KCNIP4: variants seen among roughly 807,000 people sequenced by gnomAD.
KCNIP4 encodes the protein potassium voltage-gated channel interacting protein 4, also known as Kv channel-interacting protein 4.
In KCNIP4, 12 loss-of-function variants were observed where a neutral mutation model predicts 34.0. The ratio of observed to expected loss-of-function variants is 0.35; its 90% CI spans 0.23 to 0.57. KCNIP4 has a LOEUF of 0.57. KCNIP4 is among the 20% of genes least tolerant of loss of function. KCNIP4 has a pLI of 0.83. For synonymous variants in KCNIP4, 124 were observed against 102.2 expected (o/e 1.21, Z -1.29); for missense variants, 238 against 311.7 (o/e 0.76, Z 1.78).
intron 1 of KCNIP4, among the ~76,000 whole-genome samples, chr4:21,384,182 A>T (rs1439369728): frequency 6.6e-6 from 1 of 150,978 alleles, no homozygotes; most frequent in Non-Finnish European, 1.5e-5. Context: ...CCTTCCCTCC[A>T]CTCCTCTATG....
At chr4:20,967,716 T>C (rs1029905247) in intron 1 of KCNIP4, among the ~76,000 whole-genome samples, 73 of 152,210 alleles carry the variant, frequency 4.8e-4, no homozygotes, top group Non-Finnish European at 8.4e-4. Context: ...CTGGTAAAAC[T>C]GGCTAGCCAT....
At chr4:21,899,611 C>A (rs562262622) in intron 1 of KCNIP4, among the ~76,000 whole-genome samples, 1 of 151,894 alleles carries the variant, frequency 6.6e-6, no homozygotes, top group Admixed American at 6.6e-5. Flanking sequence ...CAAAATTAAC[C>A]AGAAAAATCA....
intron 1 of KCNIP4, among the ~76,000 whole-genome samples, chr4:21,133,140 T>G (rs549075270): frequency 6.6e-6 from 1 of 152,360 alleles, no homozygotes; most frequent in African/African-American, 2.4e-5. Context: ...TCTTGAGTGA[T>G]GCTGAAAGTA....
chr4:21,210,634 G>T (rs76972668), intron 1 of KCNIP4, among the ~76,000 whole-genome samples: 1 of 151,946 alleles, frequency 6.6e-6, no homozygotes, highest in African/African-American at 2.4e-5. Context: ...CCAATATTGC[G>T]TCTTATGTGC....
chr4:21,181,086 G>T (rs538047492), intron 1 of KCNIP4, among the ~76,000 whole-genome samples: 1 of 152,116 alleles, frequency 6.6e-6, no homozygotes, highest in Non-Finnish European at 1.5e-5. Flanking sequence ...GGCAATCACA[G>T]TAAAACCTGC....
intron 1 of KCNIP4, among the ~76,000 whole-genome samples, chr4:20,973,375 A>T (rs115599544): frequency 6.6e-6 from 1 of 152,124 alleles, no homozygotes; most frequent in African/African-American, 2.4e-5. Flanking sequence ...TACCTCTCTC[A>T]GCCTTCACAG....
At chr4:21,703,471 C>A (rs977001804) in intron 1 of KCNIP4, among the ~76,000 whole-genome samples, 3 of 151,972 alleles carry the variant, frequency 2.0e-5, no homozygotes, top group African/African-American at 7.2e-5. Flanking sequence ...GGACAAAAAA[C>A]CAAACACCAC....
chr4:21,454,890 G>T (rs1411038908), intron 1 of KCNIP4, among the ~76,000 whole-genome samples: 4 of 152,030 alleles, frequency 2.6e-5, no homozygotes, highest in Non-Finnish European at 5.9e-5. Context: ...AGGAATCCAA[G>T]AAATATTTGG....
chr4:21,105,096 A>G (rs1748384036), intron 1 of KCNIP4, among the ~76,000 whole-genome samples: 1 of 151,666 alleles, frequency 6.6e-6, no homozygotes, highest in African/African-American at 2.4e-5. Context: ...TTGGTTCCAT[A>G]TGAACCTTAA....
chr4:21,618,638 T>C (rs1049930311), intron 1 of KCNIP4, among the ~76,000 whole-genome samples: 20 of 139,790 alleles, frequency 1.4e-4, no homozygotes, highest in Non-Finnish European at 2.9e-4. Flanking sequence ...TTCTTTTTTT[T>C]TTTTTTTTTT....
intron 1 of KCNIP4, among the ~76,000 whole-genome samples, chr4:21,180,013 T>G (rs1026648223): frequency 2.0e-5 from 3 of 152,184 alleles, no homozygotes; most frequent in Non-Finnish European, 1.5e-5. Flanking sequence ...AGGATGGTGG[T>G]GGCTGAAAAA....
chr4:20,869,850 T>C (rs1044554766), intron 2 of KCNIP4, among the ~76,000 whole-genome samples: 1 of 152,068 alleles, frequency 6.6e-6, no homozygotes, highest in African/African-American at 2.4e-5. Context: ...TTTTTCTGAC[T>C]CTTGTTAGCT....
At chr4:21,494,501 G>C (rs902912324) in intron 1 of KCNIP4, among the ~76,000 whole-genome samples, 1 of 152,094 alleles carries the variant, frequency 6.6e-6, no homozygotes, top group African/African-American at 2.4e-5. Flanking sequence ...GGTGCTGAGT[G>C]CGGTGGCTTA....
At chr4:20,872,864 C>T (rs902486129) in intron 2 of KCNIP4, among the ~76,000 whole-genome samples, 2 of 152,084 alleles carry the variant, frequency 1.3e-5, no homozygotes, top group African/African-American at 4.8e-5. Context: ...AAAAACTAAG[C>T]TTGTTTAATT....
At chr4:21,475,081 G>A (rs933553862) in intron 1 of KCNIP4, among the ~76,000 whole-genome samples, 3 of 151,124 alleles carry the variant, frequency 2.0e-5, no homozygotes, top group African/African-American at 7.3e-5. Context: ...TTTGTTCTAT[G>A]TTGCCTACCT....
intron 1 of KCNIP4, among the ~76,000 whole-genome samples, chr4:21,815,065 T>A (rs2109277434): frequency 6.6e-6 from 1 of 152,266 alleles, no homozygotes; most frequent in African/African-American, 2.4e-5. Context: ...ATACATATTA[T>A]GCCTGTTATT....
intron 1 of KCNIP4, among the ~76,000 whole-genome samples, chr4:21,291,000 A>T (rs948933116): frequency 2.0e-5 from 3 of 152,196 alleles, no homozygotes; most frequent in African/African-American, 7.2e-5. Context: ...GAGGCTCAGA[A>T]AAGTTAAATA....
intron 1 of KCNIP4, among the ~76,000 whole-genome samples, chr4:20,922,533 C>CTGTT (rs1278049113): frequency 1.2e-5 from 1 of 84,806 alleles, no homozygotes; most frequent in Non-Finnish European, 2.4e-5. Flanking sequence ...GTCTGTCTGT[C>CTGTT]TGTCTGTCTG....
intron 1 of KCNIP4, among the ~76,000 whole-genome samples, chr4:21,239,693 A>G (rs1241295766): frequency 6.6e-6 from 1 of 152,238 alleles, no homozygotes; most frequent in Non-Finnish European, 1.5e-5. Context: ...CACAGTAGTT[A>G]GAAGGGCAAT....
Sources: gnomAD v4.1 joint callset for allele counts (sites outside exome capture counted in the v4.1 genomes callset) on GRCh38, gnomAD v4.1.1 for gene constraint, MANE v1.5 for transcripts, NCBI Gene and HGNC (gene_info 2026-07-23, HGNC 2026-07-21) for gene names.